The following RBFOX1 variants were observed in gnomAD, a reference collection of about 807,000 sequenced individuals.
The protein encoded by RBFOX1 is RNA binding protein fox-1 homolog 1.
A neutral mutation model predicts 57.7 loss-of-function variants in RBFOX1; 8 were observed. The ratio of observed to expected loss-of-function variants is 0.14; its 90% CI spans 0.08 to 0.25. RBFOX1 has a LOEUF of 0.25. Among genes scored for constraint, RBFOX1 ranks in the 10% least tolerant of loss-of-function variants. RBFOX1 has a pLI of 1.00. For synonymous variants in RBFOX1, 326 were observed against 222.4 expected (o/e 1.47, Z -4.15); for missense variants, 611 against 548.5 (o/e 1.11, Z -1.14).
chr16:6,890,393 C>T (rs532774113), intron 3 of RBFOX1, among the ~76,000 whole-genome samples: 3 of 152,284 alleles, frequency 2.0e-5, no homozygotes, highest in Admixed American at 6.5e-5. Flanking sequence ...GTGGTGGGCA[C>T]CTGTAGTCCC....
rs1567984744 is a variant in RBFOX1, at chr16:6,637,181, T to TATTA, written c.-63-17421_-63-17420insTTAA. ...TATATTATATATTATATATATTATA[T>TATTA]AATATACAATATATATTATATATTA... On this transcript the variant is annotated intron_variant, in intron 2 of 15. Transcript: ENST00000550418. Among the ~76,000 whole-genome samples, 5 of 75,550 alleles carry TATTA rather than the reference T, an allele frequency of 6.6e-5. 1 individual carries two copies. The highest frequency in any genetic ancestry group is 4.9e-4 in the Admixed American group (2 of 4,060). 49.6% of individuals were successfully genotyped at this position (75,550 alleles called of 152,430 possible). A position where few individuals can be genotyped will look rare whatever the true frequency, so the allele number is the denominator to read the frequency against.
intron 2 of RBFOX1, among the ~76,000 whole-genome samples, chr16:6,371,544 T>A (rs1473507962): frequency 2.0e-5 from 3 of 152,286 alleles, no homozygotes; most frequent in Middle Eastern, 3.4e-3. Context: ...AAGTTTTTTT[T>A]AATAACATCC....
At chr16:7,384,380 T>C (rs1486641110) in intron 4 of RBFOX1, among the ~76,000 whole-genome samples, 1 of 152,136 alleles carries the variant, frequency 6.6e-6, no homozygotes, top group African/African-American at 2.4e-5. Flanking sequence ...ACAGGCACCT[T>C]TATATTTATA....
chr16:6,760,172 C>T (rs1603613743), intron 3 of RBFOX1, among the ~76,000 whole-genome samples: 2 of 152,128 alleles, frequency 1.3e-5, no homozygotes, highest in South Asian at 4.1e-4. Flanking sequence ...ATAAGCATCG[C>T]TATGTTTGAC....
At chr16:7,069,575 G>A (rs2056890802) in intron 4 of RBFOX1, among the ~76,000 whole-genome samples, 1 of 152,144 alleles carries the variant, frequency 6.6e-6, no homozygotes, top group South Asian at 2.1e-4. Flanking sequence ...TTCTGGCTAT[G>A]GGACACATTC....
chr16:6,648,300 A>T (rs2098550092), intron 2 of RBFOX1, among the ~76,000 whole-genome samples: 1 of 151,922 alleles, frequency 6.6e-6, no homozygotes, highest in Non-Finnish European at 1.5e-5. Context: ...GACTCAAACG[A>T]TCCTCTGGAC....
intron 4 of RBFOX1, among the ~76,000 whole-genome samples, chr16:7,112,518 C>T (rs1421923364): frequency 6.6e-6 from 1 of 152,008 alleles, no homozygotes; most frequent in East Asian, 1.9e-4. Context: ...AACAAACATT[C>T]TTTTAACATA....
intron 3 of RBFOX1, among the ~76,000 whole-genome samples, chr16:6,998,508 C>T (rs1234351542): frequency 1.3e-5 from 2 of 152,078 alleles, no homozygotes; most frequent in Non-Finnish European, 2.9e-5. Flanking sequence ...AATGACTTGG[C>T]CCTACCAGAA....
intron 3 of RBFOX1, among the ~76,000 whole-genome samples, chr16:6,985,041 C>A (rs75574749): frequency 0.014 from 2,098 of 152,104 alleles, 62 homozygotes; most frequent in African/African-American, 0.048. Context: ...CTGGCCAGAT[C>A]CCAATGAGTT....
rs563513021 is a variant in RBFOX1 at position 5,495,546 on chromosome 16, A to G, written c.258+28292A>G. On this transcript the variant is annotated intron_variant, in intron 2 of 2. Coordinates refer to the RBFOX1 transcript ENST00000585867. ...ATCCATATCAACTAGCAAACAGGAA[A>G]CTGTCACAATAGCTGCATAAGCTAG... Among the ~76,000 whole-genome samples, 4 of 152,308 alleles carry G rather than the reference A, an allele frequency of 2.6e-5. No homozygotes were observed. In the South Asian group the frequency reaches 6.2e-4, roughly 24 times the overall value.
chr16:6,855,989 C>T (rs1209677084), intron 3 of RBFOX1, among the ~76,000 whole-genome samples: 1 of 152,010 alleles, frequency 6.6e-6, no homozygotes, highest in South Asian at 2.1e-4. Flanking sequence ...TAATACAGGC[C>T]TATTGATCCT....
At chr16:6,768,144 C>T (rs2077675139) in intron 3 of RBFOX1, among the ~76,000 whole-genome samples, 1 of 151,904 alleles carries the variant, frequency 6.6e-6, no homozygotes, top group Admixed American at 6.6e-5. Flanking sequence ...TTGCAGTGAG[C>T]AGAGATTGTA....
intron 3 of RBFOX1, among the ~76,000 whole-genome samples, chr16:6,938,819 C>G (rs1169391015): frequency 6.6e-6 from 1 of 152,148 alleles, no homozygotes; most frequent in Non-Finnish European, 1.5e-5. Flanking sequence ...GTAATCCCAG[C>G]TACTCGGTAG....
At chr16:5,615,663 A>C (rs1210824989) in intron 3 of RBFOX1, among the ~76,000 whole-genome samples, 1 of 152,174 alleles carries the variant, frequency 6.6e-6, no homozygotes, top group Non-Finnish European at 1.5e-5. Flanking sequence ...CTGGTCAGCC[A>C]CTTTGGATCG....
At chr16:6,572,209 C>T (rs906740642) in intron 2 of RBFOX1, among the ~76,000 whole-genome samples, 1 of 152,006 alleles carries the variant, frequency 6.6e-6, no homozygotes, top group Non-Finnish European at 1.5e-5. Flanking sequence ...ATATGTTTTG[C>T]CTATATTTGA....
chr16:5,356,836 G>A (rs1158532767), intron 1 of RBFOX1, among the ~76,000 whole-genome samples: 1 of 152,148 alleles, frequency 6.6e-6, no homozygotes, highest in Admixed American at 6.5e-5. Context: ...CCTTATGTTT[G>A]TTGCCGATAG....
intron 4 of RBFOX1, among the ~76,000 whole-genome samples, chr16:7,493,429 C>T (rs937054951): frequency 6.6e-6 from 1 of 152,112 alleles, no homozygotes; most frequent in East Asian, 1.9e-4. Context: ...CTGGAACCTG[C>T]GAGTGTTACT....
At chr16:7,142,722 C>A (rs1328384384) in intron 4 of RBFOX1, among the ~76,000 whole-genome samples, 1 of 152,174 alleles carries the variant, frequency 6.6e-6, no homozygotes, top group African/African-American at 2.4e-5. Flanking sequence ...AAGGTCACTG[C>A]ATTCCAGTGA....
intron 1 of RBFOX1, among the ~76,000 whole-genome samples, chr16:6,025,018 C>G (rs778212176): frequency 1.3e-5 from 2 of 152,176 alleles, no homozygotes; most frequent in Non-Finnish European, 2.9e-5. Context: ...GAAGGTTGGT[C>G]CTATAGGCCC....
Sources: gnomAD v4.1 joint callset for allele counts (sites outside exome capture counted in the v4.1 genomes callset) on GRCh38, gnomAD v4.1.1 for gene constraint, MANE v1.5 for transcripts, NCBI Gene and HGNC (gene_info 2026-07-23, HGNC 2026-07-21) for gene names.